The following LIMK1 variants were observed in gnomAD, a reference collection of about 807,000 sequenced individuals.
LIMK1 encodes LIM domain kinase 1.
LIMK1 carries 21 observed loss-of-function variants against 77.6 expected under a neutral mutation model. The observed-to-expected ratio is 0.27, with a 90% CI of 0.19 to 0.39. LIMK1 has a LOEUF of 0.39. LIMK1 is among the 10% of genes least tolerant of loss of function. The pLI is 1.00. For synonymous variants in LIMK1, 358 were observed against 370.0 expected, an observed-to-expected ratio of 0.97 and a Z score of 0.37; for missense variants, 696 against 901.6, an observed-to-expected ratio of 0.77 and a Z score of 2.92.
At chr7:74,095,939 C>G (rs998033998) in intron 2 of LIMK1, among the ~76,000 whole-genome samples, 1 of 151,356 alleles carries the variant, frequency 6.6e-6, no homozygotes, top group Non-Finnish European at 1.5e-5. Flanking sequence ...ACCCTGCACA[C>G]CTGGGGATTC....
chr7:74,121,279 C>T lies in LIMK1; in HGVS notation c.1922C>T (p.Ala641Val). 6.2e-7 allele frequency: 1 copy of T among 1,606,518 alleles called. No homozygotes were observed. Among genetic ancestry groups the T allele is most frequent in the Non-Finnish European group, 8.5e-7 (1 of 1,177,772 alleles). ...TYRRGESGLP[A>V]HPEVPD is the part of the protein sequence containing the mutation. ...CGGCGCGGCGAGAGCGGACTGCCTG[C>T]CCACCCTGAGGTCCCCGACTGAGCC... is the stretch of plus-strand genomic sequence containing the variant. Residue 641 changes from alanine (A) to valine (V), a missense_variant, in exon 16 of 16, where the codon GCC (alanine) becomes GTC (valine). Around this residue, in one of 3 missense-constraint regions of LIMK1, gnomAD observed 438 missense variants for 602.3 expected, o/e 0.73. Transcript: ENST00000336180.
intron 2 of LIMK1, among the ~76,000 whole-genome samples, chr7:74,090,299 C>T (rs1209960366): frequency 1.3e-5 from 2 of 151,856 alleles, no homozygotes; most frequent in South Asian, 2.1e-4. Context: ...CGCTTGAACC[C>T]GAGAGGCAGT....
At chr7:74,100,200 G>A (rs921810291) in intron 5 of LIMK1, among the ~76,000 whole-genome samples, 1 of 152,082 alleles carries the variant, frequency 6.6e-6, no homozygotes, top group Admixed American at 6.6e-5. Flanking sequence ...TTGCACGACT[G>A]CACTCTAGGC....
chr7:74,114,517 C>T (rs1485069507), intron 12 of LIMK1, among the ~76,000 whole-genome samples: 1 of 150,018 alleles, frequency 6.7e-6, no homozygotes, highest in African/African-American at 2.5e-5. Context: ...TGCCACTGCA[C>T]TCCAGCCTGG....
intron 5 of LIMK1, among the ~76,000 whole-genome samples, chr7:74,101,801 C>CATATATATATATATATATATATATAT (rs10552134): frequency 6.8e-6 from 1 of 146,114 alleles, no homozygotes; most frequent in African/African-American, 2.5e-5. Context: ...ATATGTATGT[C>CATATATATATATATATATATATATAT]ATATATATAT....
chr7:74,084,118 C>A, intron 1 of LIMK1, 73 bp downstream of exon 1: 2 of 840,996 alleles, frequency 2.4e-6, no homozygotes, highest in South Asian at 1.9e-5. Context: ...CGGGAGGGGG[C>A]CGGGTCTGCC....
intron 4 of LIMK1, among the ~76,000 whole-genome samples, chr7:74,097,606 G>A (rs1234684795): frequency 6.6e-6 from 1 of 152,200 alleles, no homozygotes; most frequent in African/African-American, 2.4e-5. Context: ...AACCTGGGAG[G>A]TGGAAGTTGC....
intron 2 of LIMK1, among the ~76,000 whole-genome samples, chr7:74,091,607 G>A (rs781937599): frequency 2.6e-5 from 4 of 152,164 alleles, no homozygotes; most frequent in Admixed American, 6.6e-5. Flanking sequence ...ATCAGGACTC[G>A]AACCGAGGCA....
chr7:74,092,724 G>C (rs185044456), intron 2 of LIMK1, among the ~76,000 whole-genome samples: 11 of 152,328 alleles, frequency 7.2e-5, no homozygotes, highest in African/African-American at 2.6e-4. Flanking sequence ...AAGGAGGGCT[G>C]AGCATGCTGC....
At chr7:74,111,462 G>T in intron 10 of LIMK1, 186 bp from the exon 11 acceptor site, 1 of 588,230 alleles carries the variant, frequency 1.7e-6, no homozygotes, top group African/African-American at 1.9e-5. Context: ...AGGAAATAAT[G>T]TCTGTGAGCT....
chr7:74,119,022 C>T (rs562210524), intron 13 of LIMK1, among the ~76,000 whole-genome samples: 25 of 151,128 alleles, frequency 1.7e-4, no homozygotes, highest in African/African-American at 1.2e-4. Flanking sequence ...CAGCCTCCCA[C>T]GTAGCTGGGA....
At position 74,102,484 on chromosome 7, in the gene LIMK1, C is replaced by CTTTTTTTTTTTTTTTTTTT. The variant is rs71094754; in HGVS notation, c.608+3264_608+3265insTTTTTTTTTTTTTTTTTTT. Among the ~76,000 whole-genome samples, 44 of 54,062 alleles carry CTTTTTTTTTTTTTTTTTTT rather than the reference C, an allele frequency of 8.1e-4. 11 individuals are homozygous for CTTTTTTTTTTTTTTTTTTT. The highest frequency in any genetic ancestry group is 9.9e-4 in the Non-Finnish European group (28 of 28,262). The allele number at this position is 54,062 out of a possible 152,430, so 35.5% of individuals were successfully genotyped here. On this transcript the variant is annotated intron_variant, in intron 5 of 15. Transcript: ENST00000336180. Reference sequence around the variant, plus strand: ...GATATTCTCAAAAGAAGGACCTTCTCTTTTTTTTTTTTTTTTTTGGAGACA... The same window carrying CTTTTTTTTTTTTTTTTTTT: ...GATATTCTCAAAAGAAGGACCTTCTCTTTTTTTTTTTTTTTTTTTTTTTTTTTTTTTTTTTTTGGAGACA...
At chr7:74,108,276 T>C (rs1554697986) in intron 9 of LIMK1, among the ~76,000 whole-genome samples, 3 of 151,958 alleles carry the variant, frequency 2.0e-5, no homozygotes. Context: ...AGTTGGAGGC[T>C]GCAATGAGCC....
At chr7:74,094,754 G>A (rs11975099) in intron 2 of LIMK1, among the ~76,000 whole-genome samples, 2,326 of 147,534 alleles carry the variant, frequency 0.016, 59 homozygotes, top group African/African-American at 0.054. Context: ...GCGGTGATCC[G>A]GTGAACTGCC....
rs181643585 is a variant in LIMK1 at position 74,121,407 on chromosome 7, C to A, written c.*106C>A. 8.6e-6 allele frequency: 10 copies of A among 1,164,620 alleles called. No homozygotes were observed. The Admixed American group carries it at 2.4e-4, about 29-fold the overall frequency. 72.1% of individuals were successfully genotyped at this position (1,164,620 alleles called of 1,614,324 possible). Reference sequence around the variant, plus strand: ...GCTGGGACAGTGGGGACCCAGGCTTCTCCTCAGAGCCAGGCCCTGACTTGC... The same window carrying A: ...GCTGGGACAGTGGGGACCCAGGCTTATCCTCAGAGCCAGGCCCTGACTTGC... On this transcript the variant is annotated 3_prime_UTR_variant, in exon 16 of 16. Coordinates refer to ENST00000336180, the MANE Select transcript of LIMK1 (RefSeq NM_002314.4).
At chr7:74,085,227 G>T (rs922927396) in intron 1 of LIMK1, among the ~76,000 whole-genome samples, 1 of 152,196 alleles carries the variant, frequency 6.6e-6, no homozygotes, top group Non-Finnish European at 1.5e-5. Context: ...CCAAGCCAGG[G>T]CATTCATTGC....
At chr7:74,107,236 C>T in intron 8 of LIMK1, 43 bp downstream of exon 8, 2 of 1,533,696 alleles carry the variant, frequency 1.3e-6, no homozygotes, top group Non-Finnish European at 1.8e-6. Context: ...CTGGGTGGGA[C>T]CCCTCCATCC....
At chr7:74,102,338 A>C (rs1584117578) in intron 5 of LIMK1, among the ~76,000 whole-genome samples, 1 of 151,984 alleles carries the variant, frequency 6.6e-6, no homozygotes, top group Admixed American at 6.6e-5. Context: ...ACATATATGG[A>C]TACAGATACA....
Position 74,108,934 on chromosome 7 carries a change from C to A in LIMK1, c.1182C>A (p.Pro394=). 6.2e-7 allele frequency: 1 copy of A among 1,614,016 alleles called. No individual in the cohort carries two copies. ...EVKVMRCLEH[P]NVLKFIGVLY... The stretch of plus-strand genomic sequence containing the variant: ...AGGTCATGCGATGCCTGGAACACCC[C>A]AACGTGCTCAAGTTCATCGGGGTGC... The change falls in exon 10 of 16, where the codon CCC becomes CCA. Residue 394 remains proline (P), a synonymous_variant. Transcript: ENST00000336180.
Sources: gnomAD v4.1 joint callset for allele counts (sites outside exome capture counted in the v4.1 genomes callset) on GRCh38, gnomAD v4.1.1 for gene constraint, gnomAD v4.1.1 regional missense constraint, MANE v1.5 for transcripts, NCBI Gene and HGNC (gene_info 2026-07-23, HGNC 2026-07-21) for gene names.